Variants in ANO1 observed in about 807,000 individuals in gnomAD.
The protein encoded by ANO1 is anoctamin 1.
A neutral mutation model predicts 124.0 loss-of-function variants in ANO1; 59 were observed. The ratio of observed to expected loss-of-function variants is 0.48; its 90% CI spans 0.39 to 0.59. The LOEUF is 0.59. Ranked by LOEUF, ANO1 falls within the 20% of genes least tolerant of loss-of-function variation. The probability of loss-of-function intolerance (pLI) is 0.00; values close to 1 mark genes in which losing one functional copy is unlikely to be tolerated. For missense variants in ANO1, 1,059 were observed against 1,328.0 expected (o/e 0.80, Z 3.15); for synonymous variants, 529 against 532.0 (o/e 0.99, Z 0.08).
chr11:69,998,479 G>A (rs190750015), intron 1 of ANO1, among the ~76,000 whole-genome samples: 1 of 152,290 alleles, frequency 6.6e-6, no homozygotes, highest in African/African-American at 2.4e-5. Context: ...CCATTGTGTG[G>A]GCGTCCTCAT....
rs751062491 is a variant in ANO1, at chr11:70,132,042, C to T, written c.1221C>T (p.Pro407=). 47 of 1,602,728 alleles carry T rather than the reference C, an allele frequency of 2.9e-5. No homozygotes were observed. Among genetic ancestry groups the T allele is most frequent in the East Asian group, 6.7e-5 (3 of 44,532 alleles). ...GCGCCAGCCACCTCTTCGACAACCCCGCCACGGTCTTCTTCTCTGTCTTCA... is the reference window on the plus strand; with the variant it reads ...GCGCCAGCCACCTCTTCGACAACCCTGCCACGGTCTTCTTCTCTGTCTTCA... ...TARASHLFDN[P]ATVFFSVFMA... is the part of the protein sequence containing the mutation. Residue 407 remains proline (P), a synonymous_variant, in exon 11 of 26, where the codon CCC becomes CCT. Transcript: ENST00000355303.
At chr11:70,055,996 T>G (rs1555006804) in intron 1 of ANO1, among the ~76,000 whole-genome samples, 199 of 151,864 alleles carry the variant, frequency 1.3e-3, no homozygotes, top group African/African-American at 4.7e-3. Flanking sequence ...TTTTGTTTAT[T>G]TTTGTCATGT....
At chr11:70,017,738 T>C (rs1565161804) in intron 1 of ANO1, among the ~76,000 whole-genome samples, 1 of 151,448 alleles carries the variant, frequency 6.6e-6, no homozygotes, top group Non-Finnish European at 1.5e-5. Context: ...AGGCTGGTCT[T>C]GAACTCCCTG....
intron 22 of ANO1, among the ~76,000 whole-genome samples, chr11:70,178,466 C>T (rs998294508): frequency 3.9e-5 from 6 of 152,176 alleles, no homozygotes; most frequent in East Asian, 1.9e-4. Flanking sequence ...TGGGATAAGG[C>T]GATAGTCCCC....
chr11:70,128,601 C>A (rs761907306), intron 10 of ANO1, among the ~76,000 whole-genome samples: 25 of 152,260 alleles, frequency 1.6e-4, no homozygotes, highest in Non-Finnish European at 2.5e-4. Flanking sequence ...AAGCCAAGGC[C>A]TCTGCCCAGC....
chr11:70,185,188 G>A (rs1356383930), intron 24 of ANO1, among the ~76,000 whole-genome samples: 1 of 152,198 alleles, frequency 6.6e-6, no homozygotes, highest in African/African-American at 2.4e-5. Flanking sequence ...CAACCAAGTA[G>A]GCTCTGCACT....
intron 1 of ANO1, among the ~76,000 whole-genome samples, chr11:70,022,050 T>A (rs1406511402): frequency 6.6e-6 from 1 of 152,104 alleles, no homozygotes; most frequent in African/African-American, 2.4e-5. Context: ...GCCCCTTCCC[T>A]CCTTGCTCCA....
upstream of ANO1, chr11:70,078,316 T>C (rs1244824782): frequency 6.7e-6 from 1 of 149,474 alleles, no homozygotes; most frequent in African/African-American, 2.5e-5. Context: ...GCGGGCCGGC[T>C]GGCGTCCAAG....
At chr11:70,109,484 T>C (rs1211743309) in intron 6 of ANO1, among the ~76,000 whole-genome samples, 1 of 152,066 alleles carries the variant, frequency 6.6e-6, no homozygotes, top group African/African-American at 2.4e-5. Flanking sequence ...AGGAGTCCCA[T>C]CCAGGGTCAA....
chr11:70,163,461 T>A, intron 19 of ANO1, 121 bp downstream of exon 19: 1 of 1,282,784 alleles, frequency 7.8e-7, no homozygotes, highest in South Asian at 1.3e-5. Context: ...CAGGTTTCTT[T>A]CCTTCTTGCT....
chr11:70,139,443 C>G (rs1461809113), intron 11 of ANO1, among the ~76,000 whole-genome samples: 6 of 152,218 alleles, frequency 3.9e-5, no homozygotes, highest in Admixed American at 2.0e-4. Context: ...CCTGCCTCAG[C>G]CTCCCGAGTA....
chr11:70,101,332 G>T (rs1417810371), intron 2 of ANO1, among the ~76,000 whole-genome samples: 2 of 151,700 alleles, frequency 1.3e-5, no homozygotes, highest in Middle Eastern at 6.3e-3. Context: ...GAGGCAGGCA[G>T]ATCGCCTGAG....
At chr11:70,108,504 T>A in intron 6 of ANO1, 100 bp downstream of exon 6, 1 of 1,340,370 alleles carries the variant, frequency 7.5e-7, no homozygotes, top group Non-Finnish European at 1.1e-6. Flanking sequence ...CTTGGGGTGT[T>A]TAAGAGGGTT....
intron 7 of ANO1, among the ~76,000 whole-genome samples, chr11:70,112,106 G>A (rs534758685): frequency 6.6e-6 from 1 of 152,330 alleles, no homozygotes; most frequent in African/African-American, 2.4e-5. Context: ...CTGGCAGAAT[G>A]ACCAGGGCTC....
At chr11:70,093,070 A>C (rs1366966579) in intron 2 of ANO1, among the ~76,000 whole-genome samples, 11 of 137,216 alleles carry the variant, frequency 8.0e-5, no homozygotes, top group South Asian at 2.3e-4. Context: ...CTACCTCTCT[A>C]TCTCTCTCTC....
chr11:70,019,508 G>A (rs1856763586), intron 1 of ANO1, among the ~76,000 whole-genome samples: 1 of 152,104 alleles, frequency 6.6e-6, no homozygotes, highest in Non-Finnish European at 1.5e-5. Flanking sequence ...GGGTGTGCAG[G>A]AGCCGGCTCA....
the ANO1 span, among the ~76,000 whole-genome samples, chr11:69,967,291 C>T: frequency 7.3e-5 from 11 of 150,466 alleles, no homozygotes; most frequent in East Asian, 1.2e-3. Context: ...CATCAGGCTC[C>T]GAGCGCCTGT....
At chr11:70,181,777 T>TG (rs1339470627) in intron 23 of ANO1, among the ~76,000 whole-genome samples, 1 of 141,734 alleles carries the variant, frequency 7.1e-6, no homozygotes, top group African/African-American at 2.6e-5. Context: ...TCTCTCTCTC[T>TG]GAAAAAAAAA....
At chr11:70,165,316 A>C in intron 19 of ANO1, 154 bp from the exon 20 acceptor site, 1 of 650,324 alleles carries the variant, frequency 1.5e-6, no homozygotes, top group South Asian at 1.8e-5. Flanking sequence ...TTTTGCAAAT[A>C]AGGCCACGTT....
Sources: gnomAD v4.1 joint callset for allele counts (sites outside exome capture counted in the v4.1 genomes callset) on GRCh38, gnomAD v4.1.1 for gene constraint, MANE v1.5 for transcripts, NCBI Gene and HGNC (gene_info 2026-07-23, HGNC 2026-07-21) for gene names.